Variants in CCNT2 observed in about 807,000 individuals in gnomAD.
CCNT2 encodes the protein cyclin T2.
Under a neutral mutation model 70.0 loss-of-function variants are expected in CCNT2, and 18 were observed. The ratio of observed to expected loss-of-function variants is 0.26; its 90% CI spans 0.18 to 0.38. The LOEUF is 0.38. Among genes scored for constraint, CCNT2 ranks in the 10% least tolerant of loss-of-function variants. The pLI, the probability that CCNT2 is intolerant of heterozygous loss-of-function variation, is 1.00. For missense variants in CCNT2, 734 were observed against 890.2 expected, an observed-to-expected ratio of 0.82 and a Z score of 2.23; for synonymous variants, 334 against 313.3, an observed-to-expected ratio of 1.07 and a Z score of -0.70.
intron 7 of CCNT2, among the ~76,000 whole-genome samples, chr2:134,948,549 G>A (rs963635228): frequency 6.6e-6 from 1 of 152,094 alleles, no homozygotes; most frequent in Non-Finnish European, 1.5e-5. Context: ...GAATACACAA[G>A]GAGAAATTGT....
intron 3 of CCNT2, among the ~76,000 whole-genome samples, chr2:134,938,211 T>C (rs1205201285): frequency 1.3e-5 from 2 of 152,180 alleles, no homozygotes; most frequent in African/African-American, 4.8e-5. Flanking sequence ...AAATTGACTG[T>C]TTTAAAAATC....
intron 6 of CCNT2, 169 bp downstream of exon 6, chr2:134,946,315 C>A: frequency 1.7e-6 from 2 of 1,176,816 alleles, no homozygotes; most frequent in Non-Finnish European, 2.3e-6. Flanking sequence ...GGACTTTGGG[C>A]ACAGAGGGGT....
chr2:134,928,270 A>ATTTTTTTTTTTTTTTTTTTTTTTTTTTTT (rs1680442850), intron 2 of CCNT2, among the ~76,000 whole-genome samples: 4 of 77,998 alleles, frequency 5.1e-5, no homozygotes, highest in Admixed American at 3.3e-4. Flanking sequence ...CTCACATTGT[A>ATTTTTTTTTTTTTTTTTTTTTTTTTTTTT]TTTCTTTTTT....
rs112688260 is a variant in CCNT2 at position 134,930,695 on chromosome 2, G to A, written c.241-6146G>A. On this transcript the variant is annotated intron_variant, in intron 2 of 8. Transcript: ENST00000264157. ...TCACTTTTCTCGTCTTTTTTTTATC[G>A]TAGCCATCCTAACAGTGTGAAATGA... Among the ~76,000 whole-genome samples, 1,161 of 151,572 alleles carry A rather than the reference G, an allele frequency of 7.7e-3. 13 individuals carry two copies. Among genetic ancestry groups the A allele is most frequent in the African/African-American group, 0.024 (1,010 of 41,274 alleles).
At chr2:134,948,720 C>CT (rs11385900) in intron 7 of CCNT2, among the ~76,000 whole-genome samples, 19,177 of 143,098 alleles carry the variant, frequency 0.13, 2,255 homozygotes, top group East Asian at 0.41. Context: ...ATAGATAACA[C>CT]TTTTTTTTTT....
At chr2:134,946,010 A>G (rs181927424) in intron 5 of CCNT2, 91 bp from the exon 6 acceptor site, 1 of 1,608,308 alleles carries the variant, frequency 6.2e-7, no homozygotes, top group African/African-American at 1.3e-5. Context: ...TTTGTGTACA[A>G]ATCTTTGAAG....
chr2:134,949,842 A>T (rs954234810), intron 7 of CCNT2, among the ~76,000 whole-genome samples: 1 of 149,886 alleles, frequency 6.7e-6, no homozygotes, highest in Non-Finnish European at 1.5e-5. Flanking sequence ...CGCCCAGGCT[A>T]TAGAGTGCGG....
chr2:134,953,162 A>G (rs1264471173), intron 8 of CCNT2, 68 bp from the exon 9 acceptor site: 5 of 1,122,656 alleles, frequency 4.5e-6, no homozygotes, highest in Non-Finnish European at 6.3e-6. Context: ...TATAACTTTT[A>G]TAAGACAAGA....
chr2:134,919,017 C>T lies in CCNT2; in HGVS notation c.158+5C>T, dbSNP rs1466120125. 1.3e-6 allele frequency: 2 copies of T among 1,595,936 alleles called. No individual in the cohort carries two copies. Among genetic ancestry groups the T allele is most frequent in the South Asian group, 1.1e-5 (1 of 90,466 alleles). On this transcript the variant is annotated splice_donor_5th_base_variant and intron_variant, in intron 1 of 8. Coordinates refer to ENST00000264157, the MANE Select transcript of CCNT2 (RefSeq NM_058241.3). Reference sequence around the variant, plus strand: ...GATGGGACAGCGTCTCAATGTGTATCCTTTTCTGTTCGCCGCCGCTCACGC... The same window carrying T: ...GATGGGACAGCGTCTCAATGTGTATTCTTTTCTGTTCGCCGCCGCTCACGC...
rs149661996 is a variant in CCNT2, at chr2:134,929,468, C to T, written c.241-7373C>T. Reference sequence around the variant, plus strand: ...TTAATTTAAAAAAAAATTAGCCCGGCATCTTGGTGTGCGCCTGTAGTCCCA... The same window carrying T: ...TTAATTTAAAAAAAAATTAGCCCGGTATCTTGGTGTGCGCCTGTAGTCCCA... On this transcript the variant is annotated intron_variant, in intron 2 of 8. Coordinates refer to ENST00000264157, the MANE Select transcript of CCNT2 (RefSeq NM_058241.3). Among the ~76,000 whole-genome samples the T allele has an allele frequency of 1.5e-4, 23 of 151,618 alleles. 2 individuals are homozygous for T. Among genetic ancestry groups the T allele is most frequent in the African/African-American group, 5.6e-4 (23 of 41,346 alleles).
At chr2:134,919,641 A>G (rs13390970) in intron 1 of CCNT2, among the ~76,000 whole-genome samples, 169 bp from the exon 2 acceptor site, 8,806 of 152,076 alleles carry the variant, frequency 0.058, 396 homozygotes, top group African/African-American at 0.13. Flanking sequence ...CGTCAAGCCT[A>G]TTCTCTTCCT....
chr2:134,950,749 T>G (rs1192100328), intron 7 of CCNT2, among the ~76,000 whole-genome samples: 1 of 152,256 alleles, frequency 6.6e-6, no homozygotes, highest in Non-Finnish European at 1.5e-5. Context: ...AAAAGAACAT[T>G]GGCTTAGACA....
At position 134,948,744 on chromosome 2, in the gene CCNT2, TCACTCTGTCG is replaced by T. The variant is rs1345599659; in HGVS notation, c.703+847_703+856del. ...ACTTTTTTTTTTTTTTGAGTCAGTC[TCACTCTGTCG>T]CCAAGGCTGGAGTGCAGTGGTGCAA... is the stretch of plus-strand genomic sequence containing the variant. On this transcript the variant is annotated intron_variant, in intron 7 of 8. Transcript: ENST00000264157. 8.2e-5 allele frequency among the ~76,000 whole-genome samples: 12 copies of T among 147,090 alleles called. 1 individual carries two copies. In the Admixed American group the frequency reaches 8.3e-4, roughly 10 times the overall value.
rs532334525 is a variant in CCNT2 at position 134,919,330 on chromosome 2, C to T, written c.158+318C>T. Reference sequence around the variant, plus strand: ...GGATTATTGCAGAAAAGGGGCGGCTCCCTGGACTTGTCCCTGACCCCGAAG... The same window carrying T: ...GGATTATTGCAGAAAAGGGGCGGCTTCCTGGACTTGTCCCTGACCCCGAAG... On this transcript the variant is annotated intron_variant, in intron 1 of 8. Transcript: ENST00000264157. Among the ~76,000 whole-genome samples the T allele has an allele frequency of 2.6e-5, 4 of 152,238 alleles. No individual in the cohort carries two copies. In the South Asian group the frequency reaches 6.2e-4, roughly 24 times the overall value.
chr2:134,949,057 GC>G (rs750169802), intron 7 of CCNT2, among the ~76,000 whole-genome samples: 1 of 151,454 alleles, frequency 6.6e-6, no homozygotes, highest in African/African-American at 2.4e-5. Context: ...TACTCACTCT[GC>G]CCCCCAAGCT....
chr2:134,945,323 T>G, intron 5 of CCNT2: 1 of 985,242 alleles, frequency 1.0e-6, no homozygotes, highest in African/African-American at 1.7e-5. Context: ...GTGGATGTAA[T>G]TGGGAAAAAG....
chr2:134,954,037 A>G lies in CCNT2; in HGVS notation c.1582A>G (p.Lys528Glu). 1.2e-6 allele frequency: 2 copies of G among 1,614,190 alleles called. No individual in the cohort carries two copies. Among genetic ancestry groups the G allele is most frequent in the Non-Finnish European group, 1.7e-6 (2 of 1,180,000 alleles). The change falls in exon 9 of 9, where the codon AAA becomes GAA. Residue 528 changes from lysine (K) to glutamate (E), a missense_variant. Lys to Glu is a moderately conservative substitution (Grantham distance 56). Around this residue, in one of 3 missense-constraint regions of CCNT2, gnomAD observed 532 missense variants for 556.9 expected, o/e 0.96. Coordinates refer to ENST00000264157, the MANE Select transcript of CCNT2 (RefSeq NM_058241.3). ...ASKEELKMKI[K>E]VSSSERHSSS... ...TAAAGAAGAACTGAAAATGAAAATA[A>G]AAGTTTCTTCTTCAGAAAGACACAG...
chr2:134,918,898 G>C lies in CCNT2; in HGVS notation c.44G>C (p.Arg15Pro). 1 of 1,613,978 alleles carries C rather than the reference G, an allele frequency of 6.2e-7. No individual in the cohort carries two copies. ...GCTTCTTCTCGCTGGTTCTTTACTCGGGAACAGCTGGAGAACACGCCGAGC... is the reference window on the plus strand; with the variant it reads ...GCTTCTTCTCGCTGGTTCTTTACTCCGGAACAGCTGGAGAACACGCCGAGC... ...RGASSRWFFT[R>P]EQLENTPSRR... is the part of the protein sequence containing the mutation. The change falls in exon 1 of 9, where the codon CGG (arginine) becomes CCG (proline). Residue 15 changes from arginine to proline, a missense_variant. Physicochemically the swap from Arg to Pro is moderately radical, Grantham distance 103 (BLOSUM62 -2). Coordinates refer to ENST00000264157, the MANE Select transcript of CCNT2 (RefSeq NM_058241.3).
intron 2 of CCNT2, among the ~76,000 whole-genome samples, chr2:134,934,405 G>C (rs1465698467): frequency 6.6e-6 from 1 of 152,128 alleles, no homozygotes. Flanking sequence ...ATGTTTGTTG[G>C]CTTCAAAAGT....
Sources: allele counts gnomAD v4.1 joint callset (sites outside exome capture counted in the v4.1 genomes callset), GRCh38; gene constraint gnomAD v4.1.1; regional missense constraint gnomAD v4.1.1; transcripts MANE v1.5; gene names NCBI Gene and HGNC (gene_info 2026-07-23, HGNC 2026-07-21).